Variants in RPL3L observed in about 807,000 individuals in gnomAD.
The protein encoded by RPL3L is ribosomal protein uL3-like.
Under a neutral mutation model 44.5 loss-of-function variants are expected in RPL3L, and 44 were observed. The ratio of observed to expected loss-of-function variants is 0.99; its 90% CI spans 0.78 to 1.27. The LOEUF is 1.27. Ranked by LOEUF, RPL3L falls within the 50% of genes most tolerant of loss-of-function variation. The probability of loss-of-function intolerance (pLI) is 0.00; values close to 1 mark genes in which losing one functional copy is unlikely to be tolerated. For missense variants in RPL3L, 631 were observed against 569.1 expected, an observed-to-expected ratio of 1.11 and a Z score of -1.11; for synonymous variants, 292 against 230.7, an observed-to-expected ratio of 1.27 and a Z score of -2.41.
chr16:1,954,113 G>C lies in RPL3L; in HGVS notation c.39C>G (p.His13Gln). 2 of 1,600,228 alleles carry C rather than the reference G, an allele frequency of 1.2e-6. No homozygotes were observed. Among genetic ancestry groups the C allele is most frequent in the Non-Finnish European group, 1.7e-6 (2 of 1,174,250 alleles). The change falls in exon 2 of 10, where the codon CAC becomes CAG. Residue 13 changes from histidine to glutamine, a missense_variant. Transcript: ENST00000268661. ...TCCTCTTATGGGGCAGGAAGCCCAG[G>C]TGTCCGTGCCGAGGGGCGGAAAACT... ...HRKFSAPRHG[H>Q]LGFLPHKRSH...
chr16:1,953,080 T>C, intron 2 of RPL3L, 38 bp from the exon 3 acceptor site: 1 of 1,553,276 alleles, frequency 6.4e-7, no homozygotes, highest in South Asian at 1.2e-5. Flanking sequence ...AAGGGGGACC[T>C]CCTGAGGCCT....
chr16:1,953,158 G>T, intron 2 of RPL3L, 116 bp from the exon 3 acceptor site: 1 of 1,065,996 alleles, frequency 9.4e-7, no homozygotes, highest in Non-Finnish European at 1.3e-6. Context: ...AGCCAGGACA[G>T]CATTCCCCAG....
intron 2 of RPL3L, 140 bp downstream of exon 2, chr16:1,953,816 C>CACCTCCCCTGTCTGCCTACA: frequency 1.2e-6 from 1 of 863,758 alleles, no homozygotes; most frequent in Non-Finnish European, 1.6e-6. Flanking sequence ...CTGTGCTCAG[C>CACCTCCCCTGTCTGCCTACA]GTCCACCCCA....
chr16:1,953,172 G>C, intron 2 of RPL3L, 130 bp from the exon 3 acceptor site: 1 of 909,208 alleles, frequency 1.1e-6, no homozygotes, highest in Non-Finnish European at 1.6e-6. Flanking sequence ...TCCCCAGAGG[G>C]TGGGGCTGAG....
chr16:1,953,093 G>T (rs751017577), intron 2 of RPL3L, 51 bp from the exon 3 acceptor site: 24 of 1,537,972 alleles, frequency 1.6e-5, no homozygotes, highest in Non-Finnish European at 1.9e-5. Flanking sequence ...TGAGGCCTGT[G>T]GGGGAGGGAG....
chr16:1,949,316 C>G (rs1238280614), intron 4 of RPL3L, among the ~76,000 whole-genome samples: 1 of 118,518 alleles, frequency 8.4e-6, no homozygotes, highest in East Asian at 2.8e-4. Flanking sequence ...TGCCATGGTG[C>G]GATCTTGGCT....
intron 2 of RPL3L, among the ~76,000 whole-genome samples, chr16:1,953,683 GCC>G (rs964265984): frequency 6.6e-5 from 10 of 152,350 alleles, no homozygotes; most frequent in Admixed American, 6.5e-4. Flanking sequence ...TGGGGCGCTG[GCC>G]TTTGAATCCT....
rs140192228 is a variant in RPL3L at position 1,945,498 on chromosome 16, C to T, written c.1167+1G>A. 2.5e-3 allele frequency: 4,002 copies of T among 1,610,416 alleles called. 9 individuals are homozygous for T. The highest frequency in any genetic ancestry group is 3.1e-3 in the Non-Finnish European group (3,706 of 1,178,402). On this transcript the variant is annotated splice_donor_variant, in intron 9 of 9. Coordinates refer to ENST00000268661, the MANE Select transcript of RPL3L (RefSeq NM_005061.3). LOFTEE classifies it high-confidence loss of function. Reference sequence around the variant, plus strand: ...AACAAGGATGGGGGCGGTGAGCTCACCATGAAGGCCCTCTTCTCTTGGGCT... The same window carrying T: ...AACAAGGATGGGGGCGGTGAGCTCATCATGAAGGCCCTCTTCTCTTGGGCT...
Position 1,944,909 on chromosome 16 carries a change from G to A in RPL3L, c.1168-16C>T, listed in dbSNP as rs771731528. 2 of 1,605,404 alleles carry A rather than the reference G, an allele frequency of 1.2e-6. No homozygotes were observed. The highest frequency in any genetic ancestry group is 8.5e-7 in the Non-Finnish European group (1 of 1,178,432). On this transcript the variant is annotated splice_polypyrimidine_tract_variant and intron_variant, in intron 9 of 9. Transcript: ENST00000268661. ...TTTGGGGGCCCTGGTTGAGAGGGTG[G>A]TGCAGGAGGAGCCTTAGTCACTCTG...
intron 3 of RPL3L, among the ~76,000 whole-genome samples, chr16:1,952,659 A>G (rs1373865708): frequency 6.6e-6 from 1 of 152,204 alleles, no homozygotes; most frequent in Non-Finnish European, 1.5e-5. Flanking sequence ...TACAGGCGTG[A>G]GCCAGCACGC....
In RPL3L at chr16:1,949,914, GGGGGCAGGTATGTAA is replaced by G. The variant is rs1567310737; in HGVS notation, c.501+915_501+929del. On this transcript the variant is annotated intron_variant, in intron 4 of 9. Transcript: ENST00000268661. ...CAGGTATGTAGGGGGCAGGTATGTA[GGGGGCAGGTATGTAA>G]GGGGCAGGTATGTAAGGGGCAGGTA... is the stretch of plus-strand genomic sequence containing the variant. Among the ~76,000 whole-genome samples, 52 of 49,944 alleles carry G rather than the reference GGGGGCAGGTATGTAA, an allele frequency of 1.0e-3. 1 individual carries two copies. Among genetic ancestry groups the G allele is most frequent in the East Asian group, 1.9e-3 (2 of 1,072 alleles). The allele number at this position is 49,944 out of a possible 152,430, so 32.8% of individuals were successfully genotyped here.
rs3764862 is a variant in RPL3L at position 1,945,758 on chromosome 16, G to A, written c.1047+77C>T. On this transcript the variant is annotated intron_variant, in intron 8 of 9. Coordinates refer to ENST00000268661, the MANE Select transcript of RPL3L (RefSeq NM_005061.3). ...CCTTCTGCTCCCACCACTCCATCCC[G>A]CTCGTAGCAGGCCGCAGGGCAGGAC... 1.4e-4 allele frequency: 222 copies of A among 1,603,864 alleles called. 3 individuals carry two copies. In the East Asian group the frequency reaches 3.7e-3, roughly 27 times the overall value.
chr16:1,945,141 G>A (rs1261515090), intron 9 of RPL3L, among the ~76,000 whole-genome samples: 3 of 152,058 alleles, frequency 2.0e-5, no homozygotes, highest in Non-Finnish European at 4.4e-5. Flanking sequence ...GGATCATGAG[G>A]TCAGGAGATA....
intron 4 of RPL3L, among the ~76,000 whole-genome samples, chr16:1,949,240 T>A (rs1174228912): frequency 3.7e-5 from 5 of 135,042 alleles, no homozygotes; most frequent in African/African-American, 1.5e-4. Flanking sequence ...TGGGCCTGAT[T>A]TTTGTTTTTT....
At chr16:1,947,671 C>T (rs1178848902) in intron 4 of RPL3L, among the ~76,000 whole-genome samples, 1 of 152,144 alleles carries the variant, frequency 6.6e-6, no homozygotes, top group African/African-American at 2.4e-5. Flanking sequence ...GCTGGTGTTT[C>T]AGATACAGTG....
chr16:1,945,195 A>G (rs1427559702), intron 9 of RPL3L, among the ~76,000 whole-genome samples: 3 of 151,880 alleles, frequency 2.0e-5, no homozygotes, highest in Non-Finnish European at 4.4e-5. Context: ...CCCTACTAAA[A>G]ATACAGAAAA....
chr16:1,949,718 GACGGGGCAGTATGTACGGGGCAGGTATGT>G (rs1567310582), intron 4 of RPL3L, among the ~76,000 whole-genome samples: 5 of 127,508 alleles, frequency 3.9e-5, no homozygotes, highest in African/African-American at 6.1e-5. Flanking sequence ...GGCAGGTATG[GACGGGGCAGTATGTACGGGGCAGGTATGT>G]ACGGGGCAGG....
chr16:1,950,795 G>C (rs1340977099), intron 4 of RPL3L, 49 bp downstream of exon 4: 4 of 1,612,220 alleles, frequency 2.5e-6, no homozygotes, highest in African/African-American at 2.7e-5. Context: ...GCTGGGGTGA[G>C]GGAGCGTGGT....
At chr16:1,950,440 A>T (rs1202985402) in intron 4 of RPL3L, among the ~76,000 whole-genome samples, 2 of 152,046 alleles carry the variant, frequency 1.3e-5, no homozygotes. Context: ...AAGATGCCAA[A>T]GAGTGTTCCA....
Sources: allele counts gnomAD v4.1 joint callset (sites outside exome capture counted in the v4.1 genomes callset), GRCh38; gene constraint gnomAD v4.1.1; transcripts MANE v1.5; gene names NCBI Gene and HGNC (gene_info 2026-07-23, HGNC 2026-07-21).